The following ZNF541 variants were observed in gnomAD, a reference collection of about 807,000 sequenced individuals.
ZNF541 encodes the protein zinc finger protein 541.
In ZNF541, 23 loss-of-function variants were observed where a neutral mutation model predicts 123.5. The ratio of observed to expected loss-of-function variants is 0.19; its 90% CI spans 0.13 to 0.26. The LOEUF (loss-of-function observed/expected upper bound fraction) is 0.26, where lower values mean the gene tolerates loss of function less well. Among genes scored for constraint, ZNF541 ranks in the 10% least tolerant of loss-of-function variants. The probability of loss-of-function intolerance (pLI) is 1.00; values close to 1 mark genes in which losing one functional copy is unlikely to be tolerated. For missense variants in ZNF541, 1,612 were observed against 1,789.9 expected, an observed-to-expected ratio of 0.90 and a Z score of 1.79; for synonymous variants, 751 against 754.5, an observed-to-expected ratio of 1.00 and a Z score of 0.08.
chr19:47,569,995 C>T (rs532282692), intron 2 of ZNF541, among the ~76,000 whole-genome samples: 19 of 152,148 alleles, frequency 1.2e-4, no homozygotes, highest in Non-Finnish European at 2.8e-4. Flanking sequence ...TTTTCTCTGG[C>T]CGGGCACGGT....
At chr19:47,559,485 C>CA (rs1568518279) in intron 2 of ZNF541, among the ~76,000 whole-genome samples, 1 of 152,056 alleles carries the variant, frequency 6.6e-6, no homozygotes, top group African/African-American at 2.4e-5. Context: ...ACACCAAAAA[C>CA]AAAAAATCAA....
chr19:47,536,949 A>C (rs1180125497), intron 9 of ZNF541, among the ~76,000 whole-genome samples: 1 of 152,216 alleles, frequency 6.6e-6, no homozygotes, highest in Non-Finnish European at 1.5e-5. Context: ...AGGGACTCTG[A>C]AAACATGCCA....
At chr19:47,524,528 A>G (rs1969194529) in intron 14 of ZNF541, among the ~76,000 whole-genome samples, 1 of 152,076 alleles carries the variant, frequency 6.6e-6, no homozygotes, top group Non-Finnish European at 1.5e-5. Flanking sequence ...CAACATGGGG[A>G]AACCCCATCT....
At chr19:47,561,888 A>G (rs1051696392) in intron 2 of ZNF541, among the ~76,000 whole-genome samples, 1 of 152,316 alleles carries the variant, frequency 6.6e-6, no homozygotes. Flanking sequence ...AGAAACAACC[A>G]AGCCTGAGGA....
chr19:47,545,671 C>G lies in ZNF541; in HGVS notation c.858G>C (p.Lys286Asn). 2 of 1,549,102 alleles carry G rather than the reference C, an allele frequency of 1.3e-6. No homozygotes were observed. The highest frequency in any genetic ancestry group is 1.7e-6 in the Non-Finnish European group (2 of 1,146,768). Residue 286 changes from lysine (K) to asparagine (N), a missense_variant, in exon 5 of 17, where the codon AAG becomes AAC. This residue lies in a region of ZNF541 where 1,080 missense variants were observed against 1,013.8 expected (regional missense o/e 1.07). Coordinates refer to ENST00000391901, the MANE Select transcript of ZNF541 (RefSeq NM_001277075.3). The surrounding 1 kb of genome is among the most constrained non-coding windows in gnomAD (Gnocchi z 7.5). ...RRIVSSIVHQ[K>N]TPSPGPAPAG... is the part of the protein sequence containing the mutation. ...CCGGGGCTGGGCCAGGAGAAGGGGT[C>G]TTCTGGTGGACGATGCTACTCACGA...
intron 14 of ZNF541, among the ~76,000 whole-genome samples, chr19:47,525,345 C>A (rs1239098718): frequency 6.6e-6 from 1 of 150,652 alleles, no homozygotes; most frequent in Non-Finnish European, 1.5e-5. Context: ...CAGTACCAAT[C>A]AAAATCCTAG....
chr19:47,549,488 A>G lies in ZNF541; in HGVS notation c.308-3T>C, dbSNP rs1316184300. The G allele has an allele frequency of 2.6e-6, 4 of 1,551,770 alleles. No homozygotes were observed. The East Asian group carries it at 9.8e-5, about 38-fold the overall frequency. On this transcript the variant is annotated splice_polypyrimidine_tract_variant and splice_region_variant and intron_variant, in intron 3 of 16. Transcript: ENST00000391901. ...CTTAAGCACACCTAGCCCCAGGTCT[A>G]AACAGAGGGAGAAAGCACAGGTTAT...
intron 10 of ZNF541, 119 bp from the exon 11 acceptor site, chr19:47,532,389 T>C (rs1208915575): frequency 8.3e-7 from 1 of 1,205,954 alleles, no homozygotes; most frequent in Non-Finnish European, 1.2e-6. Flanking sequence ...GGAAACCCTC[T>C]GCTGTCTCAG....
chr19:47,560,235 C>T (rs1170930646), intron 2 of ZNF541, among the ~76,000 whole-genome samples: 2 of 151,966 alleles, frequency 1.3e-5, no homozygotes, highest in Non-Finnish European at 2.9e-5. Context: ...TTGCTAAAAG[C>T]CAGGGAGGAA....
At chr19:47,562,579 A>C (rs150510988) in intron 2 of ZNF541, among the ~76,000 whole-genome samples, 1 of 152,134 alleles carries the variant, frequency 6.6e-6, no homozygotes, top group Non-Finnish European at 1.5e-5. Flanking sequence ...AACAAAAAAA[A>C]CCAAACAGAT....
At chr19:47,538,909 G>C (rs1333202356) in intron 8 of ZNF541, among the ~76,000 whole-genome samples, 1 of 152,098 alleles carries the variant, frequency 6.6e-6, no homozygotes, top group African/African-American at 2.4e-5. Context: ...CTACGAGACT[G>C]ATCACTCGTA....
intron 14 of ZNF541, among the ~76,000 whole-genome samples, chr19:47,525,933 A>AT (rs1430757043): frequency 2.0e-5 from 3 of 151,760 alleles, no homozygotes; most frequent in Non-Finnish European, 4.4e-5. Context: ...AAAAAAAAAA[A>AT]AAAAAAAACT....
rs150543056 is a variant in ZNF541, at chr19:47,570,519, G to C, written c.-99+1377C>G. ...TTGAACCTGGGAGGTAGAGTTTGCA[G>C]TGAGCTGAGATAGTGCCAATGCACT... On this transcript the variant is annotated intron_variant, in intron 2 of 16. Coordinates refer to ENST00000391901, the MANE Select transcript of ZNF541 (RefSeq NM_001277075.3). Among the ~76,000 whole-genome samples, 1,096 of 137,888 alleles carry C rather than the reference G, an allele frequency of 7.9e-3. 11 individuals carry two copies. Among genetic ancestry groups the C allele is most frequent in the African/African-American group, 0.028 (1,027 of 36,830 alleles). The allele number at this position is 137,888 out of a possible 152,430, so 90.5% of individuals were successfully genotyped here. A position where few individuals can be genotyped will look rare whatever the true frequency, so the allele number is the denominator to read the frequency against.
intron 1 of ZNF541, among the ~76,000 whole-genome samples, chr19:47,572,569 T>G (rs1462524106): frequency 6.6e-6 from 1 of 150,666 alleles, no homozygotes; most frequent in African/African-American, 2.4e-5. Flanking sequence ...GAGGAGAGAT[T>G]TGGAGTTTTG....
In ZNF541 at chr19:47,538,347, C is replaced by T; in HGVS notation, c.2889G>A (p.Glu963=). 1.3e-6 allele frequency: 2 copies of T among 1,543,050 alleles called. No individual in the cohort carries two copies. The highest frequency in any genetic ancestry group is 1.8e-6 in the Non-Finnish European group (2 of 1,142,074). The change falls in exon 9 of 17, where the codon GAG becomes GAA. Residue 963 remains glutamate, a synonymous_variant. Transcript: ENST00000391901. ...TCTGGTGGCATCCTGCAGGGCCAGG[C>T]TCCCCAGCCGTGGAGGGTGGGGGCC... is the stretch of plus-strand genomic sequence containing the variant. ...KKRPPPSTAG[E]PGPAGCHQSR...
chr19:47,553,814 A>C (rs1298696987), intron 3 of ZNF541, among the ~76,000 whole-genome samples: 1 of 152,234 alleles, frequency 6.6e-6, no homozygotes, highest in Non-Finnish European at 1.5e-5. Flanking sequence ...TACTAGGATT[A>C]TAGGCATGAG....
chr19:47,527,706 TTTC>T (rs1254440786), intron 14 of ZNF541, among the ~76,000 whole-genome samples: 1 of 150,502 alleles, frequency 6.6e-6, no homozygotes, highest in African/African-American at 2.4e-5. Context: ...TCATCCTTTT[TTTC>T]TTTTTTTGAG....
In ZNF541 at chr19:47,554,892, GA is replaced by G. The variant is rs147497797; in HGVS notation, c.307+657del. 9.7e-3 allele frequency among the ~76,000 whole-genome samples: 1,477 copies of G among 151,996 alleles called. 37 individuals are homozygous for G. The highest frequency in any genetic ancestry group is 0.034 in the African/African-American group (1,395 of 41,424). On this transcript the variant is annotated intron_variant, in intron 3 of 16. Coordinates refer to ENST00000391901, the MANE Select transcript of ZNF541 (RefSeq NM_001277075.3). ...GAGGATCACTTGAGGTCAGGAGTTCGAGACCAGCCTGGCCAATATGATGAAA... is the reference window on the plus strand; with the variant it reads ...GAGGATCACTTGAGGTCAGGAGTTCGGACCAGCCTGGCCAATATGATGAAA...
chr19:47,531,240 G>C (rs867419531), intron 12 of ZNF541, among the ~76,000 whole-genome samples: 19 of 148,952 alleles, frequency 1.3e-4, no homozygotes, highest in Admixed American at 2.7e-4. Flanking sequence ...AGCGGGGGGG[G>C]GGGGGGGGGT....
Sources: gnomAD v4.1 joint callset for allele counts (sites outside exome capture counted in the v4.1 genomes callset) on GRCh38, gnomAD v4.1.1 for gene constraint, gnomAD v4.1.1 regional missense constraint, Gnocchi (gnomAD v3.1) non-coding constraint, MANE v1.5 for transcripts, NCBI Gene and HGNC (gene_info 2026-07-23, HGNC 2026-07-21) for gene names.